ADAMTS12: variants seen among roughly 807,000 people sequenced by gnomAD.
ADAMTS12 encodes the protein ADAM metallopeptidase with thrombospondin type 1 motif 12.
Under a neutral mutation model 167.8 loss-of-function variants are expected in ADAMTS12, and 118 were observed. The observed-to-expected ratio is 0.70, with a 90% CI of 0.61 to 0.82. The LOEUF (loss-of-function observed/expected upper bound fraction) is 0.82, where lower values mean the gene tolerates loss of function less well. ADAMTS12 is among the 40% of genes least tolerant of loss of function. The pLI is 0.00. For synonymous variants in ADAMTS12, 704 were observed against 716.9 expected (o/e 0.98, Z 0.29); for missense variants, 1,916 against 1,998.8 (o/e 0.96, Z 0.79).
At chr5:33,690,901 C>T (rs1375659605) in intron 3 of ADAMTS12, among the ~76,000 whole-genome samples, 4 of 152,164 alleles carry the variant, frequency 2.6e-5, no homozygotes, top group Admixed American at 6.5e-5. Context: ...AGACCAGATG[C>T]GGAGGAGGCT....
intron 3 of ADAMTS12, among the ~76,000 whole-genome samples, chr5:33,687,989 T>C (rs10057610): frequency 0.22 from 34,154 of 151,990 alleles, 4,022 homozygotes; most frequent in East Asian, 0.42. Flanking sequence ...CACCTCAACC[T>C]GAGTACTTTT....
intron 5 of ADAMTS12, among the ~76,000 whole-genome samples, chr5:33,679,858 T>C (rs72741420): frequency 0.18 from 27,340 of 152,180 alleles, 2,708 homozygotes; most frequent in East Asian, 0.32. Context: ...GGAGCAATGA[T>C]GTAACTTCCT....
chr5:33,640,794 C>A (rs932750880), intron 11 of ADAMTS12, among the ~76,000 whole-genome samples: 1 of 150,164 alleles, frequency 6.7e-6, no homozygotes, highest in African/African-American at 2.4e-5. Context: ...AACTTATTAA[C>A]CCTTAGAAAA....
intron 19 of ADAMTS12, among the ~76,000 whole-genome samples, chr5:33,570,008 G>A (rs530992286): frequency 1.4e-4 from 21 of 152,244 alleles, no homozygotes; most frequent in Non-Finnish European, 5.9e-5. Context: ...GATGGAAGAC[G>A]AAATGAATGA....
At position 33,730,455 on chromosome 5, in the gene ADAMTS12, T is replaced by C. The variant is rs145062163; in HGVS notation, c.634+20949A>G. The stretch of plus-strand genomic sequence containing the variant: ...TTGTTTCCTTCCCTGTGTCTTCTCC[T>C]CTTGTATGTGTTCCTTTACGTGGTT... On this transcript the variant is annotated intron_variant, in intron 3 of 23. Coordinates refer to ENST00000504830, the MANE Select transcript of ADAMTS12 (RefSeq NM_030955.4). 8.2e-3 allele frequency among the ~76,000 whole-genome samples: 1,241 copies of C among 152,252 alleles called. 25 individuals carry two copies. The highest frequency in any genetic ancestry group is 0.029 in the African/African-American group (1,187 of 41,536).
intron 16 of ADAMTS12, among the ~76,000 whole-genome samples, chr5:33,612,057 T>C (rs1355757176): frequency 1.3e-5 from 2 of 152,250 alleles, no homozygotes; most frequent in Non-Finnish European, 2.9e-5. Flanking sequence ...AACCTTCCAA[T>C]GTTACATTTA....
intron 2 of ADAMTS12, among the ~76,000 whole-genome samples, chr5:33,791,770 C>CT (rs34517781): frequency 0.19 from 26,227 of 141,210 alleles, 2,618 homozygotes; most frequent in East Asian, 0.4. Flanking sequence ...ATTTCCTTTT[C>CT]TTTTTTTTTT....
At chr5:33,779,186 T>G (rs1746025121) in intron 2 of ADAMTS12, among the ~76,000 whole-genome samples, 2 of 59,870 alleles carry the variant, frequency 3.3e-5, no homozygotes, top group African/African-American at 2.8e-4. Flanking sequence ...AAATTAGTAT[T>G]TTTTTTTTTT....
At chr5:33,554,093 C>A (rs1745382469) in intron 20 of ADAMTS12, among the ~76,000 whole-genome samples, 1 of 152,070 alleles carries the variant, frequency 6.6e-6, no homozygotes, top group Admixed American at 6.6e-5. Context: ...AGTGAGGACA[C>A]AAAGGAGGAG....
At chr5:33,628,261 TGG>T (rs1485100420) in intron 13 of ADAMTS12, among the ~76,000 whole-genome samples, 2 of 152,010 alleles carry the variant, frequency 1.3e-5, no homozygotes, top group African/African-American at 2.4e-5. Context: ...CCTCAGACAG[TGG>T]GTATGAGAGT....
intron 2 of ADAMTS12, among the ~76,000 whole-genome samples, chr5:33,821,479 C>T (rs1244821900): frequency 6.6e-6 from 1 of 152,060 alleles, no homozygotes; most frequent in African/African-American, 2.4e-5. Context: ...AGTGGATATA[C>T]TGGAAATAAA....
At position 33,742,967 on chromosome 5, in the gene ADAMTS12, T is replaced by C. The variant is rs143300782; in HGVS notation, c.634+8437A>G. On this transcript the variant is annotated intron_variant, in intron 3 of 23. Transcript: ENST00000504830. ...TGACAAGTGCTGTGAAAAAATAAAG[T>C]AGGATAAAGGGCTTACAAAGTGACG... 2.5e-3 allele frequency among the ~76,000 whole-genome samples: 378 copies of C among 152,090 alleles called. 2 individuals are homozygous for C. The highest frequency in any genetic ancestry group is 8.7e-3 in the African/African-American group (361 of 41,480).
intron 2 of ADAMTS12, among the ~76,000 whole-genome samples, chr5:33,754,427 C>G (rs539870666): frequency 6.6e-6 from 1 of 152,324 alleles, no homozygotes; most frequent in South Asian, 2.1e-4. Context: ...GGCTAAAGCT[C>G]GAAGATAAAC....
chr5:33,578,642 A>C (rs1191750439), intron 18 of ADAMTS12, among the ~76,000 whole-genome samples: 1 of 152,242 alleles, frequency 6.6e-6, no homozygotes, highest in Non-Finnish European at 1.5e-5. Flanking sequence ...TTCTGCATTT[A>C]GATTAAGTTC....
chr5:33,649,606 T>G lies in ADAMTS12; in HGVS notation c.1282A>C (p.Thr428Pro). 6.2e-7 allele frequency: 1 copy of G among 1,613,802 alleles called. No individual in the cohort carries two copies. The highest frequency in any genetic ancestry group is 8.5e-7 in the Non-Finnish European group (1 of 1,179,876). Residue 428 changes from threonine (T) to proline (P), a missense_variant, in exon 8 of 24, where the codon ACT becomes CCT. Coordinates refer to ENST00000504830, the MANE Select transcript of ADAMTS12 (RefSeq NM_030955.4). ...IMSRQLQYDP[T>P]PLTWSKCSEE... ...CTGCACTTGGACCATGTCAGCGGAG[T>G]GGGATCGTACTGGAGCTGGCGGGAC...
At chr5:33,852,007 A>T (rs940794075) in intron 2 of ADAMTS12, among the ~76,000 whole-genome samples, 1 of 152,206 alleles carries the variant, frequency 6.6e-6, no homozygotes, top group African/African-American at 2.4e-5. Flanking sequence ...CAAGCTCTGT[A>T]GAGGTTGGAA....
At chr5:33,750,380 A>G (rs1269297607) in intron 3 of ADAMTS12, among the ~76,000 whole-genome samples, 3 of 152,220 alleles carry the variant, frequency 2.0e-5, no homozygotes, top group Admixed American at 6.5e-5. Context: ...GGAAGTTGCT[A>G]TCTGGCATAG....
intron 3 of ADAMTS12, among the ~76,000 whole-genome samples, chr5:33,725,234 C>T (rs979503945): frequency 1.3e-5 from 2 of 152,166 alleles, no homozygotes; most frequent in East Asian, 1.9e-4. Context: ...CTCTAAAGCC[C>T]CACTACCTTC....
At chr5:33,848,104 C>T (rs1267558074) in intron 2 of ADAMTS12, among the ~76,000 whole-genome samples, 2 of 151,966 alleles carry the variant, frequency 1.3e-5, no homozygotes, top group South Asian at 4.1e-4. Flanking sequence ...GTAATCCCAA[C>T]CACTCAGGAG....
Sources: allele counts gnomAD v4.1 joint callset (sites outside exome capture counted in the v4.1 genomes callset), GRCh38; gene constraint gnomAD v4.1.1; transcripts MANE v1.5; gene names NCBI Gene and HGNC (gene_info 2026-07-23, HGNC 2026-07-21).